The following CEP20 variants were observed in gnomAD, a reference collection of about 807,000 sequenced individuals.
CEP20 encodes centrosomal protein 20.
In CEP20, 18 loss-of-function variants were observed where a neutral mutation model predicts 20.0. That is an observed-to-expected ratio of 0.90 (90% CI 0.62 to 1.34). The LOEUF (loss-of-function observed/expected upper bound fraction) is 1.34, where lower values mean the gene tolerates loss of function less well. Among genes scored for constraint, CEP20 ranks in the 40% most tolerant of loss-of-function variants. The pLI is 0.00. For synonymous variants in CEP20, 77 were observed against 73.7 expected (o/e 1.04, Z -0.23); for missense variants, 215 against 201.6 (o/e 1.07, Z -0.40).
In CEP20 at chr16:15,866,434, TAGTC is replaced by T. The variant is rs1432396048; in HGVS notation, c.*1002_*1005del. On this transcript the variant is annotated 3_prime_UTR_variant, in exon 5 of 5. Transcript: ENST00000255759. Reference sequence around the variant, plus strand: ...GCCAATCAGGAGCTGTCTATCATCATAGTCAGTTGTTTTCAATGAAATGAGCCTG... The same window carrying T: ...GCCAATCAGGAGCTGTCTATCATCATAGTTGTTTTCAATGAAATGAGCCTG... The T allele has an allele frequency of 3.3e-5, 5 of 152,238 alleles. No individual in the cohort carries two copies. Among genetic ancestry groups the T allele is most frequent in the African/African-American group, 4.8e-5 (2 of 41,472 alleles). 9.4% of individuals were successfully genotyped at this position (152,238 alleles called of 1,614,324 possible).
chr16:15,871,564 C>T (rs1018643590), intron 4 of CEP20, among the ~76,000 whole-genome samples: 18 of 152,128 alleles, frequency 1.2e-4, no homozygotes, highest in African/African-American at 4.3e-4. Flanking sequence ...GAAAACTTCT[C>T]CATAATCTAT....
At chr16:15,876,691 C>G (rs1436677070) in intron 3 of CEP20, among the ~76,000 whole-genome samples, 3 of 152,128 alleles carry the variant, frequency 2.0e-5, no homozygotes, top group Admixed American at 6.5e-5. Flanking sequence ...CACTGCAGAT[C>G]TGTAAGTAAA....
intron 3 of CEP20, among the ~76,000 whole-genome samples, chr16:15,875,023 T>C (rs549406976): frequency 1.4e-3 from 212 of 152,322 alleles, no homozygotes; most frequent in Non-Finnish European, 2.2e-3. Flanking sequence ...CAACCCTGGC[T>C]GGCATCTTGA....
At chr16:15,879,419 AG>A (rs1054883172) in intron 3 of CEP20, among the ~76,000 whole-genome samples, 2 of 152,196 alleles carry the variant, frequency 1.3e-5, no homozygotes, top group Non-Finnish European at 2.9e-5. Context: ...AGGCCAAGGC[AG>A]GAAGATCACT....
At chr16:15,879,975 A>G in intron 2 of CEP20, 87 bp from the exon 3 acceptor site, 1 of 887,896 alleles carries the variant, frequency 1.1e-6, no homozygotes, top group Non-Finnish European at 1.7e-6. Context: ...TACCAGACAT[A>G]CACTTTTTAG....
chr16:15,887,574 T>C (rs1332885191), intron 1 of CEP20, among the ~76,000 whole-genome samples: 1 of 152,170 alleles, frequency 6.6e-6, no homozygotes, highest in South Asian at 2.1e-4. Flanking sequence ...TCCCAGTCTA[T>C]GAAATGGGCA....
At chr16:15,868,302 A>C (rs1487026575) in intron 4 of CEP20, among the ~76,000 whole-genome samples, 1 of 152,052 alleles carries the variant, frequency 6.6e-6, no homozygotes, top group Non-Finnish European at 1.5e-5. Flanking sequence ...GGGCACCTAC[A>C]ATCCCAGCTA....
At chr16:15,888,145 A>G (rs1567246623) in intron 1 of CEP20, among the ~76,000 whole-genome samples, 1 of 151,536 alleles carries the variant, frequency 6.6e-6, no homozygotes, top group Non-Finnish European at 1.5e-5. Context: ...CAACGAGACA[A>G]CCAAGCAAAT....
At chr16:15,873,739 G>A (rs934143360) in intron 3 of CEP20, 112 bp from the exon 4 acceptor site, 1 of 1,220,566 alleles carries the variant, frequency 8.2e-7, no homozygotes, top group Non-Finnish European at 1.1e-6. Flanking sequence ...AAAAGACCAA[G>A]TGATTCACTA....
intron 1 of CEP20, chr16:15,885,057 G>C (rs971619853): frequency 2.0e-5 from 3 of 151,998 alleles, no homozygotes; most frequent in African/African-American, 7.2e-5. Context: ...CTGTAACCCA[G>C]CACTTTGGGA....
intron 1 of CEP20, 83 bp downstream of exon 1, chr16:15,888,475 C>T (rs909493060): frequency 6.3e-7 from 1 of 1,578,790 alleles, no homozygotes; most frequent in Admixed American, 1.7e-5. Context: ...CCATGTGTTC[C>T]GCGCGCTCTC....
chr16:15,873,209 CT>C (rs1430079471), intron 4 of CEP20, among the ~76,000 whole-genome samples: 8 of 152,066 alleles, frequency 5.3e-5, no homozygotes, highest in African/African-American at 1.9e-4. Flanking sequence ...TCCCAAACTG[CT>C]GGGATTACAG....
At chr16:15,878,266 CAA>C (rs1168233936) in intron 3 of CEP20, among the ~76,000 whole-genome samples, 3 of 152,082 alleles carry the variant, frequency 2.0e-5, no homozygotes, top group Admixed American at 2.0e-4. Context: ...CATAAAGTTG[CAA>C]AGTGTCTTCC....
chr16:15,875,273 A>G (rs2044916951), intron 3 of CEP20, among the ~76,000 whole-genome samples: 1 of 152,194 alleles, frequency 6.6e-6, no homozygotes, highest in South Asian at 2.1e-4. Context: ...GTTTACTTTA[A>G]TCTTCCCCAA....
intron 1 of CEP20, among the ~76,000 whole-genome samples, chr16:15,887,607 C>T (rs564096548): frequency 6.6e-6 from 1 of 152,292 alleles, no homozygotes; most frequent in African/African-American, 2.4e-5. Context: ...AATCAGGTAA[C>T]ACACAGGCTG....
intron 1 of CEP20, among the ~76,000 whole-genome samples, chr16:15,887,554 G>C (rs1193365713): frequency 6.6e-6 from 1 of 152,126 alleles, no homozygotes; most frequent in African/African-American, 2.4e-5. Context: ...TCACTTCTCA[G>C]TACCTCGTTT....
chr16:15,876,598 T>G (rs2044955449), intron 3 of CEP20, among the ~76,000 whole-genome samples: 1 of 152,120 alleles, frequency 6.6e-6, no homozygotes, highest in African/African-American at 2.4e-5. Context: ...CCTAAGTAGC[T>G]AGGACTACAG....
intron 4 of CEP20, 31 bp downstream of exon 4, chr16:15,873,460 A>C: frequency 6.3e-7 from 1 of 1,592,936 alleles, no homozygotes; most frequent in South Asian, 1.2e-5. Flanking sequence ...ATTTGCTGAC[A>C]GCTAAATGAT....
rs1015569529 is a variant in CEP20 at position 15,866,131 on chromosome 16, G to T, written c.*1309C>A. The T allele has an allele frequency of 7.6e-6, 1 of 130,742 alleles. No homozygotes were observed. Among genetic ancestry groups the T allele is most frequent in the Non-Finnish European group, 1.8e-5 (1 of 55,084 alleles). 8.1% of individuals were successfully genotyped at this position (130,742 alleles called of 1,614,324 possible). ...CCAGCAGGGCCTCCCAAAATGTTGT[G>T]TAAGTATAGTTTAAATGGATTTCAT... On this transcript the variant is annotated 3_prime_UTR_variant, in exon 5 of 5. Coordinates refer to ENST00000255759, the MANE Select transcript of CEP20 (RefSeq NM_144600.4).
Sources: allele counts gnomAD v4.1 joint callset (sites outside exome capture counted in the v4.1 genomes callset), GRCh38; gene constraint gnomAD v4.1.1; transcripts MANE v1.5; gene names NCBI Gene and HGNC (gene_info 2026-07-23, HGNC 2026-07-21).